The following MAP7D2 variants were observed in gnomAD, a reference collection of about 807,000 sequenced individuals.
MAP7D2 encodes the protein MAP7 domain containing 2.
In MAP7D2, 33 loss-of-function variants were observed where a neutral mutation model predicts 63.5. The observed-to-expected ratio is 0.52, with a 90% CI of 0.39 to 0.70. The LOEUF (loss-of-function observed/expected upper bound fraction) is 0.70. MAP7D2 is among the 30% of genes least tolerant of loss of function. MAP7D2 has a pLI of 0.00. For synonymous variants in MAP7D2, 224 were observed against 223.7 expected, an observed-to-expected ratio of 1.00 and a Z score of -0.01; for missense variants, 626 against 604.0, an observed-to-expected ratio of 1.04 and a Z score of -0.38.
chrX:20,023,578 T>A (rs7885068), intron 10 of MAP7D2, among the ~76,000 whole-genome samples: 42,162 of 111,283 alleles, frequency 0.38, 9,000 homozygotes, highest in African/African-American at 0.83. Context: ...AAAGACAGAA[T>A]GTTCAATCAA....
intron 10 of MAP7D2, among the ~76,000 whole-genome samples, chrX:20,019,212 T>C (rs1281392282): frequency 9.1e-6 from 1 of 110,169 alleles, no homozygotes; most frequent in African/African-American, 3.3e-5. Flanking sequence ...TTTTTTTTAA[T>C]AGAGACAGGT....
chrX:20,113,567 G>A (rs527527108), intron 1 of MAP7D2, among the ~76,000 whole-genome samples: 1 of 112,480 alleles, frequency 8.9e-6, no homozygotes, highest in South Asian at 3.6e-4. Context: ...TAGGATTAAA[G>A]CGTTCAAGAA....
intron 8 of MAP7D2, among the ~76,000 whole-genome samples, chrX:20,039,746 A>G (rs1368978585): frequency 9.0e-6 from 1 of 111,174 alleles, no homozygotes; most frequent in East Asian, 2.8e-4. Flanking sequence ...CACACCTGTA[A>G]TCCCAGCACT....
intron 1 of MAP7D2, among the ~76,000 whole-genome samples, chrX:20,065,549 G>T (rs1044534751): frequency 2.7e-5 from 3 of 111,143 alleles, no homozygotes; most frequent in African/African-American, 9.8e-5. Context: ...TTACAGGTGT[G>T]AGCCACCATG....
chrX:20,052,935 G>A lies in MAP7D2; in HGVS notation c.538C>T (p.Pro180Ser), dbSNP rs1423598120. 7 of 1,210,406 alleles carry A rather than the reference G, an allele frequency of 5.8e-6. No homozygotes were observed. Among genetic ancestry groups the A allele is most frequent in the South Asian group, 3.5e-5 (2 of 56,839 alleles). Reference sequence around the variant, plus strand: ...GATGAAGACAGGCGTTTATTCATGGGAGGCTCCGTTGGCTTTGGCAAACTC... The same window carrying A: ...GATGAAGACAGGCGTTTATTCATGGAAGGCTCCGTTGGCTTTGGCAAACTC... ...TMSLPKPTEP[P>S]MNKRLSSSTV... Residue 180 changes from proline (P) to serine (S), a missense_variant, in exon 5 of 17, where the codon CCC becomes TCC. Physicochemically the swap from Pro to Ser is moderately conservative, Grantham distance 74 (BLOSUM62 -1). Coordinates refer to ENST00000379643, the MANE Select transcript of MAP7D2 (RefSeq NM_001168465.2).
At chrX:20,107,573 G>C (rs2066606239) in intron 1 of MAP7D2, among the ~76,000 whole-genome samples, 1 of 107,882 alleles carries the variant, frequency 9.3e-6, no homozygotes, top group African/African-American at 3.4e-5. Flanking sequence ...TCTGTTTCCC[G>C]CCCCCCCCAA....
intron 8 of MAP7D2, among the ~76,000 whole-genome samples, chrX:20,041,835 C>A (rs1162567299): frequency 8.9e-6 from 1 of 111,738 alleles, no homozygotes; most frequent in Non-Finnish European, 1.9e-5. Context: ...TTTTCAGTTA[C>A]ATGGTTTCCT....
chrX:20,016,059 A>T (rs756386661), intron 11 of MAP7D2, 35 bp downstream of exon 11: 3 of 1,140,491 alleles, frequency 2.6e-6, no homozygotes, highest in Non-Finnish European at 3.6e-6. Flanking sequence ...GTCCTTAAAA[A>T]ACAAGTAAAG....
intron 1 of MAP7D2, among the ~76,000 whole-genome samples, chrX:20,075,549 G>A (rs2065622089): frequency 9.0e-6 from 1 of 111,006 alleles, no homozygotes; most frequent in African/African-American, 3.3e-5. Context: ...GGAATTGAGT[G>A]AGGGAAGGGT....
rs917912685 is a variant in MAP7D2, at chrX:20,036,240, C to T, written c.1007+6262G>A. Among the ~76,000 whole-genome samples, 20 of 110,007 alleles carry T rather than the reference C, an allele frequency of 1.8e-4. 1 individual carries two copies. The highest frequency in any genetic ancestry group is 1.7e-3 in the Admixed American group (17 of 10,283). On this transcript the variant is annotated intron_variant, in intron 8 of 16. Transcript: ENST00000379643. ...ATGTACACCAAACCCCTGTGACAGG[C>T]AATTTATTTTATTTTTTATTTTTTG...
intron 1 of MAP7D2, among the ~76,000 whole-genome samples, chrX:20,090,308 A>G (rs1234226571): frequency 2.9e-5 from 3 of 103,319 alleles, no homozygotes; most frequent in Non-Finnish European, 5.9e-5. Context: ...AGCCTGGCCA[A>G]CATAGCGAAA....
At position 20,025,024 on chromosome X, in the gene MAP7D2, C is replaced by T. The variant is rs143624328; in HGVS notation, c.1339G>A (p.Glu447Lys). 2.8e-5 allele frequency: 34 copies of T among 1,209,801 alleles called. No homozygotes were observed. In the African/African-American group the frequency reaches 5.0e-4, roughly 18 times the overall value. The change falls in exon 10 of 17, where the codon GAA becomes AAA. Residue 447 changes from glutamate to lysine, a missense_variant. By Grantham distance (56) the Glu-to-Lys change is moderately conservative (BLOSUM62 1). Coordinates refer to ENST00000379643, the MANE Select transcript of MAP7D2 (RefSeq NM_001168465.2). ...DAGEAAKILA[E>K]KRRQARLQKE... is the part of the protein sequence containing the mutation. ...TGCAGCCGGGCCTGTCTTCTCTTTT[C>T]AGCCAAGATCTTCGCAGCCTCTCCT...
intron 6 of MAP7D2, among the ~76,000 whole-genome samples, chrX:20,049,618 CAT>C (rs1310392705): frequency 1.8e-5 from 2 of 111,579 alleles, no homozygotes; most frequent in Non-Finnish European, 3.8e-5. Context: ...ATGGGTATAT[CAT>C]ATTTTCTTTC....
chrX:20,051,567 A>C (rs751072339), intron 5 of MAP7D2, among the ~76,000 whole-genome samples: 15 of 110,478 alleles, frequency 1.4e-4, no homozygotes, highest in African/African-American at 2.6e-4. Flanking sequence ...AAACAAAAAA[A>C]AAACAAAAAA....
chrX:20,116,176 G>A (rs985342818), intron 1 of MAP7D2, among the ~76,000 whole-genome samples: 4 of 113,048 alleles, frequency 3.5e-5, no homozygotes, highest in Admixed American at 9.2e-5. Context: ...CCAAGACAGG[G>A]AGCGCATCCG....
intron 14 of MAP7D2, 105 bp downstream of exon 14, chrX:20,012,949 C>T (rs1049980625): frequency 1.7e-5 from 11 of 639,110 alleles, no homozygotes; most frequent in Middle Eastern, 3.2e-4. Context: ...CAGGCCCCTG[C>T]CAGCAGTCAC....
At chrX:20,065,985 C>A (rs2065350782) in intron 1 of MAP7D2, among the ~76,000 whole-genome samples, 1 of 106,118 alleles carries the variant, frequency 9.4e-6, no homozygotes, top group African/African-American at 3.5e-5. Flanking sequence ...TGCAGTGGTG[C>A]AATCTCGGCT....
intron 3 of MAP7D2, among the ~76,000 whole-genome samples, chrX:20,062,982 T>C (rs2065257524): frequency 9.1e-6 from 1 of 110,395 alleles, no homozygotes; most frequent in African/African-American, 3.3e-5. Context: ...CCATCTGTAA[T>C]CCTCAGATTC....
chrX:20,111,424 G>A (rs1422325767), intron 1 of MAP7D2, among the ~76,000 whole-genome samples: 2 of 112,045 alleles, frequency 1.8e-5, no homozygotes, highest in South Asian at 3.7e-4. Context: ...GGGTAAAAGC[G>A]CGTCTTAGAC....
Sources: gnomAD v4.1 joint callset for allele counts (sites outside exome capture counted in the v4.1 genomes callset) on GRCh38, gnomAD v4.1.1 for gene constraint, MANE v1.5 for transcripts, NCBI Gene and HGNC (gene_info 2026-07-23, HGNC 2026-07-21) for gene names.